The following ERBB4 variants were observed in gnomAD, a reference collection of about 807,000 sequenced individuals.
The protein encoded by ERBB4 is erb-b2 receptor tyrosine kinase 4.
Under a neutral mutation model 158.0 loss-of-function variants are expected in ERBB4, and 42 were observed. That is an observed-to-expected ratio of 0.27 (90% CI 0.21 to 0.34). The LOEUF is 0.34. ERBB4 is among the 10% of genes least tolerant of loss of function. The pLI is 1.00. For synonymous variants in ERBB4, 583 were observed against 558.7 expected (o/e 1.04, Z -0.61); for missense variants, 1,333 against 1,624.1 (o/e 0.82, Z 3.08).
chr2:212,137,546 A>T (rs2080312918), intron 1 of ERBB4, among the ~76,000 whole-genome samples: 1 of 152,172 alleles, frequency 6.6e-6, no homozygotes, highest in Non-Finnish European at 1.5e-5. Flanking sequence ...CATGGTGTAT[A>T]TGTACATTTT....
At chr2:212,466,507 G>A (rs1248299880) in intron 1 of ERBB4, among the ~76,000 whole-genome samples, 1 of 152,110 alleles carries the variant, frequency 6.6e-6, no homozygotes, top group Non-Finnish European at 1.5e-5. Flanking sequence ...ATGAGATCTG[G>A]TGGTTTTAAA....
chr2:211,726,895 T>C (rs1462983056), intron 5 of ERBB4, among the ~76,000 whole-genome samples: 1 of 152,180 alleles, frequency 6.6e-6, no homozygotes, highest in African/African-American at 2.4e-5. Flanking sequence ...CTTCCAGGAA[T>C]CACATTACTC....
chr2:211,839,148 AGAGAAGGAGGAGGAG>A (rs1559562092), intron 3 of ERBB4, among the ~76,000 whole-genome samples: 1 of 96,748 alleles, frequency 1.0e-5, no homozygotes, highest in Non-Finnish European at 2.0e-5. Flanking sequence ...AGAGGGAGAG[AGAGAAGGAGGAGGAG>A]GAGGAGGAGG....
intron 19 of ERBB4, among the ~76,000 whole-genome samples, chr2:211,582,993 G>A (rs12694244): frequency 0.74 from 111,960 of 151,930 alleles, 43,161 homozygotes; most frequent in East Asian, 0.86. Context: ...TTTAACATTA[G>A]GGCATTTTTG....
intron 19 of ERBB4, 35 bp from the exon 20 acceptor site, chr2:211,562,123 T>C (rs1245897899): frequency 7.6e-6 from 12 of 1,585,522 alleles, no homozygotes; most frequent in Non-Finnish European, 1.0e-5. Flanking sequence ...TGATTTCAAC[T>C]CAAATTTTCT....
chr2:211,409,417 G>A lies in ERBB4; in HGVS notation c.3135+11024C>T, dbSNP rs115870565. Reference sequence around the variant, plus strand: ...ATCAATAAATGGTAGCTATATTTAGGTTTGTGTTTGAGAATTTTGAAACAT... The same window carrying A: ...ATCAATAAATGGTAGCTATATTTAGATTTGTGTTTGAGAATTTTGAAACAT... On this transcript the variant is annotated intron_variant, in intron 25 of 27. Transcript: ENST00000342788. Among the ~76,000 whole-genome samples, 1,159 of 152,262 alleles carry A rather than the reference G, an allele frequency of 7.6e-3. 12 individuals are homozygous for A. The highest frequency in any genetic ancestry group is 0.011 in the Non-Finnish European group (724 of 68,018).
chr2:211,518,935 C>G (rs1362828942), intron 20 of ERBB4, among the ~76,000 whole-genome samples: 2 of 152,198 alleles, frequency 1.3e-5, no homozygotes, highest in East Asian at 1.9e-4. Context: ...TTTCCATCTT[C>G]CCTAAAAGGT....
intron 1 of ERBB4, among the ~76,000 whole-genome samples, chr2:212,468,571 T>G (rs572248027): frequency 5.3e-4 from 81 of 152,322 alleles, no homozygotes; most frequent in Non-Finnish European, 1.0e-3. Flanking sequence ...TGTGGAACTG[T>G]AAGTCCAATA....
rs2085536877 is a variant in ERBB4 at position 212,276,387 on chromosome 2, G to A, written c.83-151484C>T. ...AAACCCAGGGCTGTGAACTGTTTCT[G>A]TTCCCAATTCAAGAGACTAAGCTGG... On this transcript the variant is annotated intron_variant, in intron 1 of 27. Transcript: ENST00000342788. Among the ~76,000 whole-genome samples, 3 of 151,892 alleles carry A rather than the reference G, an allele frequency of 2.0e-5. No homozygotes were observed. The South Asian group carries it at 6.2e-4, about 31-fold the overall frequency.
At chr2:211,731,870 C>T (rs2074436610) in intron 5 of ERBB4, among the ~76,000 whole-genome samples, 1 of 152,112 alleles carries the variant, frequency 6.6e-6, no homozygotes, top group South Asian at 2.1e-4. Flanking sequence ...TTCATTCTTC[C>T]AAAGGAGAAT....
chr2:212,343,941 C>G (rs538439404), intron 1 of ERBB4, among the ~76,000 whole-genome samples: 1 of 152,156 alleles, frequency 6.6e-6, no homozygotes, highest in South Asian at 2.1e-4. Flanking sequence ...TAAGATGATT[C>G]CAATGCAATT....
chr2:211,511,535 A>G (rs566192613), intron 20 of ERBB4, among the ~76,000 whole-genome samples: 2 of 152,232 alleles, frequency 1.3e-5, no homozygotes, highest in South Asian at 2.1e-4. Context: ...AACTTGAGCC[A>G]TATCAACCCT....
At chr2:211,463,574 G>A (rs991404448) in intron 20 of ERBB4, among the ~76,000 whole-genome samples, 2 of 152,054 alleles carry the variant, frequency 1.3e-5, no homozygotes, top group African/African-American at 2.4e-5. Context: ...TAGGTCAGGC[G>A]GTACTTCACA....
At chr2:212,083,391 A>C (rs2078504072) in intron 2 of ERBB4, among the ~76,000 whole-genome samples, 1 of 151,974 alleles carries the variant, frequency 6.6e-6, no homozygotes, top group East Asian at 1.9e-4. Flanking sequence ...GGGGGGAGGA[A>C]TGAGCTGTCA....
At chr2:212,457,810 C>T (rs542267804) in intron 1 of ERBB4, among the ~76,000 whole-genome samples, 2 of 152,080 alleles carry the variant, frequency 1.3e-5, no homozygotes, top group South Asian at 2.1e-4. Context: ...TTTTAATTTG[C>T]ACTAACATCC....
chr2:212,212,077 C>G (rs575033060), intron 1 of ERBB4, among the ~76,000 whole-genome samples: 1 of 152,096 alleles, frequency 6.6e-6, no homozygotes, highest in South Asian at 2.1e-4. Flanking sequence ...GGTATATACC[C>G]AGTAATGGGA....
At chr2:211,471,747 CAA>C (rs980147781) in intron 20 of ERBB4, among the ~76,000 whole-genome samples, 1 of 152,026 alleles carries the variant, frequency 6.6e-6, no homozygotes, top group Non-Finnish European at 1.5e-5. Context: ...AAAAAAGTGA[CAA>C]AGTTTGGTAG....
At chr2:212,105,176 A>C (rs1293112960) in intron 2 of ERBB4, among the ~76,000 whole-genome samples, 1 of 152,222 alleles carries the variant, frequency 6.6e-6, no homozygotes, top group East Asian at 1.9e-4. Context: ...CCTAATATGA[A>C]AAGTCCATTG....
intron 3 of ERBB4, among the ~76,000 whole-genome samples, chr2:211,919,358 AC>A (rs1372677000): frequency 6.6e-6 from 1 of 152,134 alleles, no homozygotes; most frequent in Non-Finnish European, 1.5e-5. Flanking sequence ...TACACTTTAT[AC>A]AAAATTAAAT....
Sources: gnomAD v4.1 joint callset for allele counts (sites outside exome capture counted in the v4.1 genomes callset) on GRCh38, gnomAD v4.1.1 for gene constraint, MANE v1.5 for transcripts, NCBI Gene and HGNC (gene_info 2026-07-23, HGNC 2026-07-21) for gene names.